The following ARHGEF11 variants were observed in gnomAD, a reference collection of about 807,000 sequenced individuals.
ARHGEF11 encodes Rho guanine exchange factor (GEF) 11.
A neutral mutation model predicts 193.7 loss-of-function variants in ARHGEF11; 55 were observed. The ratio of observed to expected loss-of-function variants is 0.28; its 90% CI spans 0.23 to 0.36. The LOEUF is 0.36. Among genes scored for constraint, ARHGEF11 ranks in the 10% least tolerant of loss-of-function variants. ARHGEF11 has a pLI of 1.00. For missense variants in ARHGEF11, 1,723 were observed against 2,005.6 expected (o/e 0.86, Z 2.69); for synonymous variants, 693 against 768.0 (o/e 0.90, Z 1.62).
chr1:156,971,143 G>T (rs1662428529), intron 8 of ARHGEF11, among the ~76,000 whole-genome samples: 1 of 152,178 alleles, frequency 6.6e-6, no homozygotes, highest in Non-Finnish European at 1.5e-5. Flanking sequence ...GACACTAATA[G>T]CAAAGTCCCT....
intron 5 of ARHGEF11, 109 bp downstream of exon 5, chr1:156,979,120 A>G: frequency 2.0e-6 from 2 of 1,021,548 alleles, no homozygotes; most frequent in East Asian, 2.4e-5. Context: ...TGCCTCACAT[A>G]TCTACAAAGG....
intron 13 of ARHGEF11, among the ~76,000 whole-genome samples, chr1:156,962,520 G>C (rs1239522776): frequency 6.6e-6 from 1 of 151,998 alleles, no homozygotes. Flanking sequence ...CTTGCCATCT[G>C]CAAGTTTTCT....
intron 1 of ARHGEF11, among the ~76,000 whole-genome samples, chr1:157,030,632 CA>C (rs1671183658): frequency 6.6e-6 from 1 of 151,776 alleles, no homozygotes; most frequent in African/African-American, 2.4e-5. Flanking sequence ...CAAGCCTTGA[CA>C]GGGGTATAGG....
intron 6 of ARHGEF11, among the ~76,000 whole-genome samples, chr1:156,977,858 G>C (rs1484607887): frequency 1.3e-5 from 2 of 152,160 alleles, no homozygotes; most frequent in Non-Finnish European, 2.9e-5. Context: ...GACTGGCAAT[G>C]GTCTTAAACA....
chr1:156,973,459 T>G (rs1412581461), intron 7 of ARHGEF11, among the ~76,000 whole-genome samples: 2 of 152,248 alleles, frequency 1.3e-5, no homozygotes. Flanking sequence ...GTACTGGTGT[T>G]CTGGGTGATC....
At chr1:156,969,666 T>G (rs1662242925) in intron 9 of ARHGEF11, among the ~76,000 whole-genome samples, 1 of 152,168 alleles carries the variant, frequency 6.6e-6, no homozygotes. Context: ...TTCCCAACCC[T>G]CTTCTGGTCA....
At chr1:157,000,720 T>C (rs1667109695) in intron 1 of ARHGEF11, among the ~76,000 whole-genome samples, 1 of 151,954 alleles carries the variant, frequency 6.6e-6, no homozygotes, top group African/African-American at 2.4e-5. Flanking sequence ...GTAATGGGAG[T>C]TGATGGTATG....
At chr1:157,040,002 C>T (rs1672534577) in intron 1 of ARHGEF11, among the ~76,000 whole-genome samples, 1 of 152,168 alleles carries the variant, frequency 6.6e-6, no homozygotes, top group South Asian at 2.1e-4. Context: ...TTTTGATGAA[C>T]TCGTATTGTC....
In ARHGEF11 at chr1:156,939,574, G is replaced by T; in HGVS notation, c.4070C>A (p.Ala1357Glu). 6.2e-7 allele frequency: 1 copy of T among 1,612,598 alleles called. No homozygotes were observed. Among genetic ancestry groups the T allele is most frequent in the Non-Finnish European group, 8.5e-7 (1 of 1,180,024 alleles). The change falls in exon 37 of 41, where the codon GCA becomes GAA. Residue 1357 changes from alanine to glutamate, a missense_variant. Ala to Glu is a moderately radical substitution (Grantham distance 107). This residue lies in a region of ARHGEF11 where 360 missense variants were observed against 344.4 expected (regional missense o/e 1.05). Transcript: ENST00000368194. ...LAEDASSTEA[A>E]GGYKVVRKAE... ...TTTTCTCACAACTTTGTAACCTCCT[G>T]CTGCCTCTGTGCTTGAAGCATCTTC...
chr1:156,969,756 T>C (rs1037475325), intron 9 of ARHGEF11, among the ~76,000 whole-genome samples: 4 of 152,248 alleles, frequency 2.6e-5, no homozygotes, highest in Non-Finnish European at 5.9e-5. Context: ...GTCTGGACCA[T>C]ACTCATTCTG....
At chr1:157,030,511 T>C (rs942559287) in intron 1 of ARHGEF11, among the ~76,000 whole-genome samples, 1 of 152,174 alleles carries the variant, frequency 6.6e-6, no homozygotes, top group East Asian at 1.9e-4. Context: ...CTTGGGGGAC[T>C]TGACTCCTGA....
At chr1:157,021,148 G>A (rs536183388) in intron 1 of ARHGEF11, among the ~76,000 whole-genome samples, 1 of 152,360 alleles carries the variant, frequency 6.6e-6, no homozygotes, top group African/African-American at 2.4e-5. Context: ...AGAGAGTGAT[G>A]TGATGGGGTA....
intron 3 of ARHGEF11, among the ~76,000 whole-genome samples, chr1:156,981,880 T>C (rs1664230301): frequency 6.6e-6 from 1 of 152,232 alleles, no homozygotes; most frequent in Non-Finnish European, 1.5e-5. Context: ...AAAAATTACA[T>C]ATTGTACATT....
chr1:156,959,691 C>T (rs1212307287), intron 15 of ARHGEF11, among the ~76,000 whole-genome samples: 1 of 152,220 alleles, frequency 6.6e-6, no homozygotes, highest in African/African-American at 2.4e-5. Flanking sequence ...GCTTTCCTCC[C>T]CGTCACATGT....
chr1:156,936,481 A>AG (rs1491450778), intron 40 of ARHGEF11, among the ~76,000 whole-genome samples: 23 of 59,712 alleles, frequency 3.9e-4, no homozygotes, highest in African/African-American at 2.2e-3. Flanking sequence ...AAATAAATAG[A>AG]AAAAAAAAAA....
At chr1:156,957,695 G>C (rs1445669506) in intron 18 of ARHGEF11, 97 bp downstream of exon 18, 1 of 1,312,652 alleles carries the variant, frequency 7.6e-7, no homozygotes, top group Non-Finnish European at 1.1e-6. Flanking sequence ...TACAACATGA[G>C]GGACTCCCCT....
Position 156,968,028 on chromosome 1 carries a change from G to A in ARHGEF11, c.922C>T (p.Arg308Trp), listed in dbSNP as rs148414156. The A allele has an allele frequency of 4.1e-5, 66 of 1,614,216 alleles. No homozygotes were observed. In the African/African-American group the frequency reaches 5.6e-4, roughly 14 times the overall value. The change falls in exon 11 of 41, where the codon CGG becomes TGG. Residue 308 changes from arginine (R) to tryptophan (W), a missense_variant. Transcript: ENST00000368194. The part of the protein sequence containing the change: ...IMARVAQHHR[R>W]QGSDAAVPST... ...GGGACTGCTGCATCCGAGCCCTGCC[G>A]CCTGTGGTGCTGGGCCACCCTGGCC...
At chr1:156,972,151 T>C (rs1472947891) in intron 7 of ARHGEF11, among the ~76,000 whole-genome samples, 2 of 152,214 alleles carry the variant, frequency 1.3e-5, no homozygotes, top group African/African-American at 4.8e-5. Context: ...AATATTTGAT[T>C]GTCCAGACCA....
upstream of ARHGEF11, among the ~76,000 whole-genome samples, chr1:157,046,843 CT>C (rs1358971456): frequency 7.0e-3 from 1,056 of 151,784 alleles, 10 homozygotes; most frequent in African/African-American, 0.022. Flanking sequence ...AACCCCCCCC[CT>C]CTACTAAAAA....
Sources: gnomAD v4.1 joint callset for allele counts (sites outside exome capture counted in the v4.1 genomes callset) on GRCh38, gnomAD v4.1.1 for gene constraint, gnomAD v4.1.1 regional missense constraint, MANE v1.5 for transcripts, NCBI Gene and HGNC (gene_info 2026-07-23, HGNC 2026-07-21) for gene names.